Variants in MAGI2 observed in about 807,000 individuals in gnomAD.
The protein encoded by MAGI2 is membrane-associated guanylate kinase, WW and PDZ domain-containing protein 2.
MAGI2 carries 35 observed loss-of-function variants against 133.3 expected under a neutral mutation model. The observed-to-expected ratio is 0.26, with a 90% CI of 0.20 to 0.35. The LOEUF (loss-of-function observed/expected upper bound fraction) is 0.35, where lower values mean the gene tolerates loss of function less well. Ranked by LOEUF, MAGI2 falls within the 10% of genes least tolerant of loss-of-function variation. The pLI is 1.00. For missense variants in MAGI2, 1,636 were observed against 1,863.4 expected, an observed-to-expected ratio of 0.88 and a Z score of 2.25; for synonymous variants, 729 against 710.6, an observed-to-expected ratio of 1.03 and a Z score of -0.41.
At chr7:78,580,608 GATCA>G (rs1293421819) in intron 3 of MAGI2, among the ~76,000 whole-genome samples, 2 of 152,240 alleles carry the variant, frequency 1.3e-5, no homozygotes, top group Non-Finnish European at 2.9e-5. Flanking sequence ...ACTTCCTCAT[GATCA>G]TTCATAGCCA....
At chr7:78,261,877 C>T (rs1793553397) in intron 9 of MAGI2, among the ~76,000 whole-genome samples, 1 of 151,984 alleles carries the variant, frequency 6.6e-6, no homozygotes, top group African/African-American at 2.4e-5. Context: ...CTACTCAACC[C>T]CCACAAACAT....
At chr7:79,446,264 T>C (rs1482141656) in intron 1 of MAGI2, among the ~76,000 whole-genome samples, 2 of 152,156 alleles carry the variant, frequency 1.3e-5, no homozygotes, top group Non-Finnish European at 2.9e-5. Context: ...CATGTATACA[T>C]ATGTAACTAA....
chr7:79,406,071 T>A (rs1845786919), intron 1 of MAGI2, among the ~76,000 whole-genome samples: 2 of 152,102 alleles, frequency 1.3e-5, no homozygotes, highest in South Asian at 4.1e-4. Context: ...ATTTAAGAAT[T>A]TTACAAAGTT....
At chr7:78,791,634 C>T (rs551978371) in intron 2 of MAGI2, among the ~76,000 whole-genome samples, 2 of 151,716 alleles carry the variant, frequency 1.3e-5, no homozygotes, top group East Asian at 1.9e-4. Context: ...CTCGGCCTCC[C>T]GGGATCAAGG....
chr7:78,906,949 T>A (rs771912827), intron 2 of MAGI2, among the ~76,000 whole-genome samples: 1 of 152,170 alleles, frequency 6.6e-6, no homozygotes, highest in Admixed American at 6.5e-5. Context: ...CAGGGCTGAG[T>A]GTTGTTACTA....
rs184546581 is a variant in MAGI2, at chr7:79,210,254, C to T, written c.302-203048G>A. 6.0e-4 allele frequency among the ~76,000 whole-genome samples: 92 copies of T among 152,106 alleles called. 2 individuals carry two copies. The highest frequency in any genetic ancestry group is 1.7e-3 in the African/African-American group (69 of 41,436). Reference sequence around the variant, plus strand: ...TTTTTTATGCTAGACATGCTAGGCACTCATTACTAAACACTAGACATGATA... The same window carrying T: ...TTTTTTATGCTAGACATGCTAGGCATTCATTACTAAACACTAGACATGATA... On this transcript the variant is annotated intron_variant, in intron 1 of 21. Coordinates refer to ENST00000354212, the MANE Select transcript of MAGI2 (RefSeq NM_012301.4).
chr7:78,198,856 T>TTGAAGAATG (rs1385853787), intron 11 of MAGI2, among the ~76,000 whole-genome samples: 6 of 152,190 alleles, frequency 3.9e-5, no homozygotes, highest in Non-Finnish European at 8.8e-5. Context: ...GATTCTGTAT[T>TTGAAGAATG]TGAAGAATGC....
At chr7:78,275,107 G>A (rs867321503) in intron 9 of MAGI2, among the ~76,000 whole-genome samples, 13 of 152,186 alleles carry the variant, frequency 8.5e-5, no homozygotes, top group Non-Finnish European at 1.6e-4. Flanking sequence ...CTGGTCTGCC[G>A]GCTGTGAAGA....
chr7:78,229,323 C>T (rs1056105127), intron 10 of MAGI2, among the ~76,000 whole-genome samples: 4 of 152,184 alleles, frequency 2.6e-5, no homozygotes, highest in African/African-American at 9.7e-5. Flanking sequence ...GTTTGGAGAT[C>T]CTAAGATACA....
intron 1 of MAGI2, among the ~76,000 whole-genome samples, chr7:79,129,980 G>A (rs563268637): frequency 7.8e-4 from 119 of 152,096 alleles, no homozygotes; most frequent in African/African-American, 2.7e-3. Context: ...TTAGTCTCAC[G>A]GTTATTTATT....
chr7:79,443,778 A>G (rs1211016876), intron 1 of MAGI2, among the ~76,000 whole-genome samples: 1 of 152,198 alleles, frequency 6.6e-6, no homozygotes, highest in Non-Finnish European at 1.5e-5. Context: ...GGAATTGGGA[A>G]ATTTACTTTT....
chr7:78,276,004 C>A (rs1387002134), intron 9 of MAGI2, among the ~76,000 whole-genome samples: 1 of 152,096 alleles, frequency 6.6e-6, no homozygotes, highest in African/African-American at 2.4e-5. Context: ...TGATTATTAC[C>A]CTTTCCATTT....
At chr7:78,195,169 G>A in intron 11 of MAGI2, 106 bp from the exon 12 acceptor site, 1 of 843,834 alleles carries the variant, frequency 1.2e-6, no homozygotes, top group Non-Finnish European at 1.8e-6. Context: ...TTTCTTCCAG[G>A]GGATGGGTAA....
intron 2 of MAGI2, among the ~76,000 whole-genome samples, chr7:78,787,012 C>T (rs893509405): frequency 7.9e-5 from 12 of 151,612 alleles, no homozygotes; most frequent in Non-Finnish European, 1.2e-4. Flanking sequence ...TGTAGTGGCG[C>T]GATCTCGGCT....
chr7:78,577,107 T>A lies in MAGI2; in HGVS notation c.538+50013A>T, dbSNP rs576273605. Among the ~76,000 whole-genome samples the A allele has an allele frequency of 6.6e-5, 10 of 152,342 alleles. No individual in the cohort carries two copies. In the South Asian group the frequency reaches 2.1e-3, roughly 32 times the overall value. On this transcript the variant is annotated intron_variant, in intron 3 of 21. Transcript: ENST00000354212. The stretch of plus-strand genomic sequence containing the variant: ...ACCGTGCTTTCTACATAATAGATTC[T>A]AAAGAAAAAGGATATTTTTTGTGTA...
At chr7:78,952,964 C>A (rs908603163) in intron 2 of MAGI2, among the ~76,000 whole-genome samples, 1 of 152,040 alleles carries the variant, frequency 6.6e-6, no homozygotes, top group Non-Finnish European at 1.5e-5. Flanking sequence ...ATTGTTTGGA[C>A]CTACTAAAGT....
chr7:78,924,310 A>G (rs1249737996), intron 2 of MAGI2, among the ~76,000 whole-genome samples: 1 of 152,164 alleles, frequency 6.6e-6, no homozygotes, highest in Non-Finnish European at 1.5e-5. Flanking sequence ...TTGCCCATTC[A>G]GTATGATATT....
At chr7:78,607,918 C>A (rs1039062083) in intron 3 of MAGI2, among the ~76,000 whole-genome samples, 2 of 152,170 alleles carry the variant, frequency 1.3e-5, no homozygotes, top group Admixed American at 6.5e-5. Flanking sequence ...CTGGTCACTT[C>A]AAGCTTTTAG....
intron 20 of MAGI2, among the ~76,000 whole-genome samples, chr7:78,117,769 G>T (rs1039574394): frequency 3.3e-5 from 5 of 152,258 alleles, no homozygotes; most frequent in African/African-American, 1.2e-4. Context: ...TCCAGAGGTA[G>T]GTACAGATAA....
Sources: allele counts gnomAD v4.1 joint callset (sites outside exome capture counted in the v4.1 genomes callset), GRCh38; gene constraint gnomAD v4.1.1; transcripts MANE v1.5; gene names NCBI Gene and HGNC (gene_info 2026-07-23, HGNC 2026-07-21).